Variants in GALNT18 observed in about 807,000 individuals in gnomAD.
The protein encoded by GALNT18 is GalNAc-transferase 18.
In GALNT18, 44 loss-of-function variants were observed where a neutral mutation model predicts 69.5. The observed-to-expected ratio is 0.63, with a 90% confidence interval of 0.50 to 0.81. The LOEUF (loss-of-function observed/expected upper bound fraction) is 0.81. GALNT18 is among the 40% of genes least tolerant of loss of function. GALNT18 has a pLI of 0.00. For missense variants in GALNT18, 715 were observed against 810.0 expected, an observed-to-expected ratio of 0.88 and a Z score of 1.42; for synonymous variants, 364 against 318.2, an observed-to-expected ratio of 1.14 and a Z score of -1.53.
intron 10 of GALNT18, among the ~76,000 whole-genome samples, chr11:11,277,075 C>T (rs1589998049): frequency 6.6e-6 from 1 of 152,262 alleles, no homozygotes; most frequent in African/African-American, 2.4e-5. Flanking sequence ...GGAATAGTTT[C>T]AGAAGGAATG....
At position 11,613,126 on chromosome 11, in the gene GALNT18, C is replaced by T. The variant is rs143280939; in HGVS notation, c.235+8233G>A. Among the ~76,000 whole-genome samples the T allele has an allele frequency of 9.5e-4, 144 of 152,278 alleles. 3 individuals carry two copies. The East Asian group carries it at 0.013, about 14-fold the overall frequency. ...TCTCAGTACTGCATCCCCACTGGGA[C>T]GAACTGTCTAGCAACATATTTTAAT... On this transcript the variant is annotated intron_variant, in intron 1 of 10. Coordinates refer to ENST00000227756, the MANE Select transcript of GALNT18 (RefSeq NM_198516.3). The surrounding 1 kb of genome is among the most constrained non-coding windows in gnomAD (Gnocchi z 4.2).
intron 1 of GALNT18, among the ~76,000 whole-genome samples, chr11:11,490,292 C>T (rs544991717): frequency 2.0e-5 from 3 of 147,724 alleles, no homozygotes; most frequent in Non-Finnish European, 4.5e-5. Flanking sequence ...TGGGATAATA[C>T]AGCAAAAAGG....
rs1564901253 is a variant in GALNT18, at chr11:11,340,892, G to A, written c.1205C>T (p.Ala402Val). ...CATCCAGACTTCAGCCACCCTGAGA[G>A]CGTTCCTGCGGACATGGGCGGTGAG... is the stretch of plus-strand genomic sequence containing the variant. ...EDLTAHVRRN[A>V]LRVAEVWMDE... Residue 402 changes from alanine (A) to valine (V), a missense_variant, in exon 7 of 11, where the codon GCT (alanine) becomes GTT (valine). Ala to Val is a moderately conservative substitution (Grantham distance 64). Coordinates refer to ENST00000227756, the MANE Select transcript of GALNT18 (RefSeq NM_198516.3). The surrounding 1 kb of genome is among the most constrained non-coding windows in gnomAD (Gnocchi z 4.2). 2 of 1,613,948 alleles carry A rather than the reference G, an allele frequency of 1.2e-6. No homozygotes were observed. Among genetic ancestry groups the A allele is most frequent in the African/African-American group, 2.7e-5 (2 of 74,914 alleles).
chr11:11,409,269 T>C (rs1044652769), intron 3 of GALNT18, among the ~76,000 whole-genome samples: 1 of 151,958 alleles, frequency 6.6e-6, no homozygotes, highest in Non-Finnish European at 1.5e-5. Flanking sequence ...GCTCAAATCC[T>C]GGGAAGGAAA....
chr11:11,291,505 A>G (rs1240779829), intron 10 of GALNT18, among the ~76,000 whole-genome samples: 1 of 152,200 alleles, frequency 6.6e-6, no homozygotes, highest in African/African-American at 2.4e-5. Flanking sequence ...GTTAGCTGTT[A>G]TTCCTATTGG....
intron 1 of GALNT18, among the ~76,000 whole-genome samples, chr11:11,517,286 A>G (rs1411584652): frequency 6.6e-6 from 1 of 152,252 alleles, no homozygotes; most frequent in Non-Finnish European, 1.5e-5. Context: ...GGTGGACACC[A>G]TTATACTGCA....
Position 11,620,018 on chromosome 11 carries a change from G to A in GALNT18, c.235+1341C>T, listed in dbSNP as rs1422929866. 6.6e-6 allele frequency among the ~76,000 whole-genome samples: 1 copy of A among 151,980 alleles called. No homozygotes were observed. The highest frequency in any genetic ancestry group is 2.4e-5 in the African/African-American group (1 of 41,348). On this transcript the variant is annotated intron_variant, in intron 1 of 10. Coordinates refer to ENST00000227756, the MANE Select transcript of GALNT18 (RefSeq NM_198516.3). The surrounding 1 kb of genome is among the most constrained non-coding windows in gnomAD (Gnocchi z 6.9). ...TCCCCTCCTGGAAAGGAACTATTCT[G>A]GACACCTGGGGAAACACCAAATTCA...
intron 6 of GALNT18, among the ~76,000 whole-genome samples, chr11:11,371,383 G>A (rs1850900632): frequency 6.6e-6 from 1 of 152,214 alleles, no homozygotes; most frequent in African/African-American, 2.4e-5. Flanking sequence ...TCCTTCAGTG[G>A]GAATTGAGTA....
chr11:11,553,710 G>A (rs980305576), intron 1 of GALNT18, among the ~76,000 whole-genome samples: 1 of 151,958 alleles, frequency 6.6e-6, no homozygotes, highest in Non-Finnish European at 1.5e-5. Flanking sequence ...ATTCCCACCC[G>A]ATGGCAGACA....
intron 1 of GALNT18, among the ~76,000 whole-genome samples, chr11:11,588,625 G>C (rs1002878453): frequency 4.6e-5 from 7 of 152,200 alleles, no homozygotes; most frequent in African/African-American, 1.7e-4. Context: ...TGTTAAGCAA[G>C]AAGAGGCTTA....
rs1039556396 is a variant in GALNT18, at chr11:11,541,199, C to T, written c.235+80160G>A. On this transcript the variant is annotated intron_variant, in intron 1 of 10. Transcript: ENST00000227756. The surrounding 1 kb of genome is among the most constrained non-coding windows in gnomAD (Gnocchi z 4.8). ...TGTACCTACAAGTTCTTTCACCCTCCCTCAGGAATCAGGGTCAGCCCAGTG... is the reference window on the plus strand; with the variant it reads ...TGTACCTACAAGTTCTTTCACCCTCTCTCAGGAATCAGGGTCAGCCCAGTG... Among the ~76,000 whole-genome samples the T allele has an allele frequency of 2.6e-5, 4 of 152,138 alleles. No individual in the cohort carries two copies. Among genetic ancestry groups the T allele is most frequent in the Admixed American group, 1.3e-4 (2 of 15,282 alleles).
At chr11:11,576,931 G>T (rs1858939428) in intron 1 of GALNT18, among the ~76,000 whole-genome samples, 1 of 152,194 alleles carries the variant, frequency 6.6e-6, no homozygotes, top group Non-Finnish European at 1.5e-5. Context: ...GTGGCTGGCT[G>T]AAGGCAGGCC....
chr11:11,402,821 T>C lies in GALNT18; in HGVS notation c.596-23557A>G, dbSNP rs1044363569. Among the ~76,000 whole-genome samples, 6 of 152,202 alleles carry C rather than the reference T, an allele frequency of 3.9e-5. No homozygotes were observed. Among genetic ancestry groups the C allele is most frequent in the African/African-American group, 1.4e-4 (6 of 41,448 alleles). ...TAAAAATACAAATGGCTTCTTGTAG[T>C]GCTGTTGGCATCTGACAAGGAGCCT... On this transcript the variant is annotated intron_variant, in intron 3 of 10. Transcript: ENST00000227756. This position sits in a 1 kb window ranked among gnomAD's most constrained non-coding sequence, Gnocchi z 4.0.
chr11:11,499,511 G>A (rs1307722116), intron 1 of GALNT18, among the ~76,000 whole-genome samples: 1 of 152,046 alleles, frequency 6.6e-6, no homozygotes, highest in Non-Finnish European at 1.5e-5. Flanking sequence ...TCTAGAGCCT[G>A]TGCCTGTATT....
At chr11:11,359,555 T>C (rs1173680796) in intron 6 of GALNT18, among the ~76,000 whole-genome samples, 1 of 152,312 alleles carries the variant, frequency 6.6e-6, no homozygotes, top group East Asian at 1.9e-4. Flanking sequence ...TTCCTGACTC[T>C]GTGGACTCTG....
Position 11,432,638 on chromosome 11 carries a change from T to C in GALNT18, c.578A>G (p.Asp193Gly), listed in dbSNP as rs1855294513. The change falls in exon 3 of 11, where the codon GAT (aspartate) becomes GGT (glycine). Residue 193 changes from aspartate (D) to glycine (G), a missense_variant. Asp to Gly is a moderately conservative substitution (Grantham distance 94). Coordinates refer to ENST00000227756, the MANE Select transcript of GALNT18 (RefSeq NM_198516.3). The surrounding 1 kb of genome is among the most constrained non-coding windows in gnomAD (Gnocchi z 5.8). ...ACACTCACCGTTACTGCTGTTGTCA[T>C]CCACCAGAATGATCTCCTTGAGCAG... ...PHLLKEIILV[D>G]DNSSNEELKE... 4 of 1,609,340 alleles carry C rather than the reference T, an allele frequency of 2.5e-6. No homozygotes were observed. The Admixed American group carries it at 5.0e-5, about 20-fold the overall frequency.
At chr11:11,400,876 T>C (rs1854447273) in intron 3 of GALNT18, among the ~76,000 whole-genome samples, 1 of 152,008 alleles carries the variant, frequency 6.6e-6, no homozygotes, top group Non-Finnish European at 1.5e-5. Flanking sequence ...ATTGGGACCG[T>C]GCCATGAGTA....
intron 1 of GALNT18, among the ~76,000 whole-genome samples, chr11:11,458,630 C>A (rs536250112): frequency 6.6e-6 from 1 of 152,356 alleles, no homozygotes; most frequent in African/African-American, 2.4e-5. Flanking sequence ...AGCATCAAAG[C>A]CCAGTTCACC....
At chr11:11,594,981 AT>A (rs1859463848) in intron 1 of GALNT18, among the ~76,000 whole-genome samples, 1 of 147,082 alleles carries the variant, frequency 6.8e-6, no homozygotes, top group Non-Finnish European at 1.5e-5. Flanking sequence ...AAATATACAT[AT>A]GTGTGTGTGT....
Sources: allele counts gnomAD v4.1 joint callset (sites outside exome capture counted in the v4.1 genomes callset), GRCh38; gene constraint gnomAD v4.1.1; non-coding constraint Gnocchi (gnomAD v3.1); transcripts MANE v1.5; gene names NCBI Gene and HGNC (gene_info 2026-07-23, HGNC 2026-07-21).